The following COL8A1 variants were observed in gnomAD, a reference collection of about 807,000 sequenced individuals.
COL8A1 encodes the protein collagen alpha-1(VIII) chain.
In COL8A1, 21 loss-of-function variants were observed where a neutral mutation model predicts 42.7. The observed-to-expected ratio is 0.49, with a 90% CI of 0.35 to 0.71. The LOEUF is 0.71. COL8A1 is among the 30% of genes least tolerant of loss of function. COL8A1 has a pLI of 0.01. For synonymous variants in COL8A1, 367 were observed against 369.1 expected (o/e 0.99, Z 0.06); for missense variants, 788 against 962.4 (o/e 0.82, Z 2.40).
intron 1 of COL8A1, among the ~76,000 whole-genome samples, chr3:99,732,890 G>A (rs1009577696): frequency 6.6e-6 from 1 of 152,088 alleles, no homozygotes; most frequent in East Asian, 1.9e-4. Context: ...CAGGTATTGG[G>A]AAAATACACC....
rs561482041 is a variant in COL8A1, at chr3:99,737,335, C to T, written c.-128-7562C>T. The stretch of plus-strand genomic sequence containing the variant: ...TTCTTCCTAGTCTCGATGGTCTTTA[C>T]ATTTTGGCATGATTTTGCAGCGGCT... On this transcript the variant is annotated intron_variant, in intron 1 of 3. Coordinates refer to ENST00000652472, the MANE Select transcript of COL8A1 (RefSeq NM_020351.4). Among the ~76,000 whole-genome samples the T allele has an allele frequency of 3.0e-3, 462 of 152,126 alleles. 4 individuals are homozygous for T. Among genetic ancestry groups the T allele is most frequent in the African/African-American group, 0.011 (439 of 41,494 alleles).
chr3:99,714,197 A>T (rs1344271444), intron 1 of COL8A1, among the ~76,000 whole-genome samples: 1 of 152,092 alleles, frequency 6.6e-6, no homozygotes, highest in African/African-American at 2.4e-5. Flanking sequence ...TGTGGCTGTA[A>T]TGCAAGTAGC....
chr3:99,720,469 G>C (rs968039037), intron 1 of COL8A1, among the ~76,000 whole-genome samples: 10 of 151,882 alleles, frequency 6.6e-5, no homozygotes, highest in African/African-American at 2.4e-4. Context: ...TATTACCATG[G>C]GTAACTTCCT....
intron 1 of COL8A1, among the ~76,000 whole-genome samples, chr3:99,654,788 A>G (rs1937960272): frequency 6.8e-6 from 1 of 146,566 alleles, no homozygotes; most frequent in African/African-American, 2.5e-5. Context: ...ACCCTGTCTC[A>G]AAAAAAAAAA....
chr3:99,789,508 T>G, intron 2 of COL8A1, among the ~76,000 whole-genome samples: 1 of 151,882 alleles, frequency 6.6e-6, no homozygotes, highest in East Asian at 1.9e-4. Context: ...GGGCAGGGAG[T>G]GGGCAGGCAG....
In COL8A1 at chr3:99,790,873, C is replaced by A; in HGVS notation, c.191C>A (p.Ala64Asp). 1 of 1,614,234 alleles carries A rather than the reference C, an allele frequency of 6.2e-7. No homozygotes were observed. Among genetic ancestry groups the A allele is most frequent in the East Asian group, 2.2e-5 (1 of 44,886 alleles). The change falls in exon 3 of 4, where the codon GCC becomes GAC. Residue 64 changes from alanine (A) to aspartate (D), a missense_variant. By Grantham distance (126) the Ala-to-Asp change is moderately radical. Coordinates refer to ENST00000652472, the MANE Select transcript of COL8A1 (RefSeq NM_020351.4). The part of the protein sequence containing the change: ...LGQQVPHMPL[A>D]KDGLAMGKEM... ...CAGCAAGTACCTCACATGCCTTTGGCCAAAGATGGCCTTGCCATGGGCAAG... is the reference window on the plus strand; with the variant it reads ...CAGCAAGTACCTCACATGCCTTTGGACAAAGATGGCCTTGCCATGGGCAAG...
intron 1 of COL8A1, among the ~76,000 whole-genome samples, chr3:99,732,481 C>A (rs1011334142): frequency 1.3e-5 from 2 of 152,018 alleles, no homozygotes; most frequent in Non-Finnish European, 2.9e-5. Flanking sequence ...AAGTGCCAAG[C>A]AAAAGGGGGA....
intron 1 of COL8A1, among the ~76,000 whole-genome samples, chr3:99,698,913 A>G (rs764117406): frequency 1.3e-5 from 2 of 152,182 alleles, no homozygotes; most frequent in African/African-American, 2.4e-5. Context: ...TTAGAGGAGG[A>G]GTACAGTGAA....
At chr3:99,640,287 G>A (rs186773766) in intron 1 of COL8A1, among the ~76,000 whole-genome samples, 1 of 152,174 alleles carries the variant, frequency 6.6e-6, no homozygotes, top group African/African-American at 2.4e-5. Flanking sequence ...CAGACTGCTT[G>A]CTTTATATCT....
intron 1 of COL8A1, among the ~76,000 whole-genome samples, chr3:99,713,771 G>T (rs1201932337): frequency 7.6e-6 from 1 of 131,902 alleles, no homozygotes; most frequent in African/African-American, 2.9e-5. Flanking sequence ...TATAAGTTCT[G>T]GGAATGGATT....
At chr3:99,675,474 T>G (rs1357803173) in intron 1 of COL8A1, among the ~76,000 whole-genome samples, 2 of 152,074 alleles carry the variant, frequency 1.3e-5, no homozygotes, top group East Asian at 3.9e-4. Context: ...ACTGGAAAAG[T>G]GCACTATAAG....
intron 2 of COL8A1, among the ~76,000 whole-genome samples, chr3:99,777,356 C>G (rs1437313217): frequency 6.6e-6 from 1 of 152,100 alleles, no homozygotes; most frequent in Non-Finnish European, 1.5e-5. Flanking sequence ...ACCACATTTC[C>G]CAGCTCTCAG....
intron 1 of COL8A1, among the ~76,000 whole-genome samples, chr3:99,658,129 CAAA>C (rs74267789): frequency 1.5e-5 from 2 of 129,608 alleles, no homozygotes; most frequent in Admixed American, 1.5e-4. Context: ...AAACAAAAAA[CAAA>C]AAAAAAAAAA....
At chr3:99,792,358 A>C (rs113901650) in intron 3 of COL8A1, among the ~76,000 whole-genome samples, 5 of 152,300 alleles carry the variant, frequency 3.3e-5, no homozygotes, top group African/African-American at 1.2e-4. Flanking sequence ...AAAAAGTACA[A>C]TGGTCAGGAT....
intron 1 of COL8A1, among the ~76,000 whole-genome samples, chr3:99,660,108 C>T (rs534433771): frequency 6.6e-6 from 1 of 152,324 alleles, no homozygotes; most frequent in South Asian, 2.1e-4. Flanking sequence ...AAGACATTTA[C>T]ATTCCAACCC....
In COL8A1 at chr3:99,645,696, TAA is replaced by T. The variant is rs58309537; in HGVS notation, c.-129+7047_-129+7048del. ...TAGATCACATTGTTAGTTTTCTTTT[TAA>T]AAAAAAAAAAAAAATCCTAATTTAA... On this transcript the variant is annotated intron_variant, in intron 1 of 3. Coordinates refer to ENST00000652472, the MANE Select transcript of COL8A1 (RefSeq NM_020351.4). 2.2e-3 allele frequency among the ~76,000 whole-genome samples: 310 copies of T among 141,914 alleles called. 2 individuals carry two copies. The highest frequency in any genetic ancestry group is 7.3e-3 in the African/African-American group (283 of 38,528). 93.1% of individuals were successfully genotyped at this position (141,914 alleles called of 152,430 possible).
intron 1 of COL8A1, among the ~76,000 whole-genome samples, chr3:99,693,511 A>T (rs181983860): frequency 2.6e-5 from 4 of 152,204 alleles, no homozygotes; most frequent in Non-Finnish European, 5.9e-5. Flanking sequence ...GCCTAGGCCA[A>T]TGTGTGTGTT....
chr3:99,731,219 A>G (rs1670254473), intron 1 of COL8A1, among the ~76,000 whole-genome samples: 1 of 152,146 alleles, frequency 6.6e-6, no homozygotes, highest in Admixed American at 6.6e-5. Context: ...AGAATTAAAT[A>G]TATATAAAAA....
At chr3:99,681,759 C>T (rs141224902) in intron 1 of COL8A1, among the ~76,000 whole-genome samples, 10 of 152,260 alleles carry the variant, frequency 6.6e-5, no homozygotes, top group African/African-American at 1.9e-4. Flanking sequence ...AGATATGAGG[C>T]TAATATTAGC....
Sources: gnomAD v4.1 joint callset for allele counts (sites outside exome capture counted in the v4.1 genomes callset) on GRCh38, gnomAD v4.1.1 for gene constraint, MANE v1.5 for transcripts, NCBI Gene and HGNC (gene_info 2026-07-23, HGNC 2026-07-21) for gene names.